Variants in CFAP96 observed in about 807,000 individuals in gnomAD.
CFAP96 encodes the protein cilia-and flagella-associated protein 96.
chr4:185,441,559 G>A, the CFAP96 span, among the ~76,000 whole-genome samples: 3 of 151,216 alleles, frequency 2.0e-5, no homozygotes, highest in Non-Finnish European at 3.0e-5. Context: ...TGTCATTTTC[G>A]GAGTGGCTCT....
At chr4:185,431,947 C>T in the CFAP96 span, 1 of 1,469,592 alleles carries the variant, frequency 6.8e-7, no homozygotes, top group Non-Finnish European at 9.2e-7. Context: ...TGCTAGTCAG[C>T]TCAAAATTAT....
the CFAP96 span, among the ~76,000 whole-genome samples, chr4:185,427,823 C>T: frequency 4.7e-5 from 7 of 148,268 alleles, no homozygotes; most frequent in East Asian, 2.0e-4. Context: ...CGGTGGCCCA[C>T]TCCTGTAATC....
the CFAP96 span, chr4:185,415,148 G>A: frequency 1.0e-5 from 16 of 1,570,718 alleles, no homozygotes; most frequent in Non-Finnish European, 1.3e-5. Flanking sequence ...AGATGAACTG[G>A]TTTTACCTTC....
At chr4:185,412,318 A>T in the CFAP96 span, among the ~76,000 whole-genome samples, 142 of 152,280 alleles carry the variant, frequency 9.3e-4, no homozygotes, top group Middle Eastern at 3.4e-3. Flanking sequence ...GGAACTTTCT[A>T]TGGAAGCTGG....
the CFAP96 span, among the ~76,000 whole-genome samples, chr4:185,427,770 GAAAT>G: frequency 2.7e-5 from 4 of 145,548 alleles, 1 homozygote; most frequent in Admixed American, 6.9e-5. Context: ...AATAAGCAAA[GAAAT>G]AAATAAATTT....
At chr4:185,415,186 A>G in the CFAP96 span, 1 of 1,602,946 alleles carries the variant, frequency 6.2e-7, no homozygotes, top group Non-Finnish European at 8.5e-7. Context: ...GCCATCTGGT[A>G]TTCCTGAAGG....
chr4:185,436,745 T>TAATAATAATAATAA, the CFAP96 span, among the ~76,000 whole-genome samples: 2 of 149,116 alleles, frequency 1.3e-5, no homozygotes, highest in African/African-American at 4.9e-5. Flanking sequence ...ATAATAATAA[T>TAATAATAATAATAA]TCACTTGAGA....
chr4:185,412,981 C>T, the CFAP96 span, among the ~76,000 whole-genome samples: 3 of 152,096 alleles, frequency 2.0e-5, no homozygotes, highest in African/African-American at 7.2e-5. Context: ...GTATATGTTA[C>T]ATGGAAAATA....
At chr4:185,435,960 A>G in the CFAP96 span, 2 of 1,063,534 alleles carry the variant, frequency 1.9e-6, no homozygotes, top group African/African-American at 1.6e-5. Context: ...TCTTTTTTTC[A>G]ATCTGTTTAA....
chr4:185,429,183 C>T, the CFAP96 span: 6 of 364,212 alleles, frequency 1.6e-5, no homozygotes, highest in East Asian at 2.6e-4. Flanking sequence ...TTCTCCCCCA[C>T]CCCGCAGAGT....
At chr4:185,418,866 C>T in the CFAP96 span, 2 of 928,736 alleles carry the variant, frequency 2.2e-6, no homozygotes, top group Admixed American at 6.6e-5. Context: ...GTAAAACTCT[C>T]AATACCTATT....
chr4:185,434,410 T>C, the CFAP96 span, among the ~76,000 whole-genome samples: 1 of 152,280 alleles, frequency 6.6e-6, no homozygotes, highest in Admixed American at 6.5e-5. Flanking sequence ...TACTTTCTTT[T>C]TCATGGAATA....
the CFAP96 span, among the ~76,000 whole-genome samples, chr4:185,427,176 G>T: frequency 6.6e-6 from 1 of 152,238 alleles, no homozygotes; most frequent in Non-Finnish European, 1.5e-5. Flanking sequence ...CTGCGCAGAT[G>T]CGGGGATACC....
At chr4:185,434,504 T>C in the CFAP96 span, among the ~76,000 whole-genome samples, 3 of 152,154 alleles carry the variant, frequency 2.0e-5, no homozygotes, top group Admixed American at 6.5e-5. Flanking sequence ...TGGAAATTGC[T>C]ACCTTGATAC....
the CFAP96 span, chr4:185,413,929 G>T: frequency 6.9e-7 from 1 of 1,448,362 alleles, no homozygotes; most frequent in Non-Finnish European, 9.3e-7. Flanking sequence ...TAGATTCCTA[G>T]TCAATAAATA....
At chr4:185,427,072 A>C in the CFAP96 span, among the ~76,000 whole-genome samples, 2 of 151,786 alleles carry the variant, frequency 1.3e-5, no homozygotes, top group Non-Finnish European at 2.9e-5. Context: ...CTCAAAAAAA[A>C]AAAAAAATTA....
At chr4:185,424,401 C>G in the CFAP96 span, among the ~76,000 whole-genome samples, 1 of 152,142 alleles carries the variant, frequency 6.6e-6, no homozygotes, top group Non-Finnish European at 1.5e-5. Context: ...AAATAGGTAC[C>G]AATACAGTTT....
At chr4:185,423,361 T>C in the CFAP96 span, among the ~76,000 whole-genome samples, 60 of 152,194 alleles carry the variant, frequency 3.9e-4, 1 homozygote, top group Admixed American at 7.8e-4. Context: ...GTCAAGACAA[T>C]GAGAGGAAAC....
At chr4:185,415,137 T>C in the CFAP96 span, 5 of 1,547,942 alleles carry the variant, frequency 3.2e-6, no homozygotes, top group Non-Finnish European at 4.3e-6. Context: ...TTTCTAAGAA[T>C]AGATGAACTG....
Sources: gnomAD v4.1 joint callset for allele counts (sites outside exome capture counted in the v4.1 genomes callset) on GRCh38, gnomAD v4.1.1 for gene constraint, MANE v1.5 for transcripts, NCBI Gene and HGNC (gene_info 2026-07-23, HGNC 2026-07-21) for gene names.